UHRF1: variants seen among roughly 807,000 people sequenced by gnomAD.
UHRF1 encodes E3 ubiquitin-protein ligase UHRF1.
UHRF1 carries 9 observed loss-of-function variants against 96.5 expected under a neutral mutation model. The ratio of observed to expected loss-of-function variants is 0.09; its 90% CI spans 0.06 to 0.16. The LOEUF is 0.16. Among genes scored for constraint, UHRF1 ranks in the 10% least tolerant of loss-of-function variants. The pLI is 1.00. For synonymous variants in UHRF1, 455 were observed against 469.9 expected (o/e 0.97, Z 0.41); for missense variants, 626 against 1,131.1 (o/e 0.55, Z 6.40).
intron 1 of UHRF1, among the ~76,000 whole-genome samples, chr19:4,904,324 G>A (rs1026296614): frequency 1.9e-4 from 29 of 152,170 alleles, no homozygotes; most frequent in Admixed American, 4.6e-4. Flanking sequence ...GACTACAGGC[G>A]TCCGCCACAA....
intron 5 of UHRF1, among the ~76,000 whole-genome samples, 177 bp from the exon 6 acceptor site, chr19:4,941,351 G>A (rs558419254): frequency 6.6e-6 from 1 of 152,196 alleles, no homozygotes; most frequent in South Asian, 2.1e-4. Flanking sequence ...TATTACAGGC[G>A]TGAGCCACTG....
At chr19:4,945,449 G>A (rs2033533417) in intron 9 of UHRF1, among the ~76,000 whole-genome samples, 1 of 151,994 alleles carries the variant, frequency 6.6e-6, no homozygotes, top group South Asian at 2.1e-4. Context: ...GGTAGAGATG[G>A]GGTTTCACCT....
intron 5 of UHRF1, among the ~76,000 whole-genome samples, chr19:4,936,639 A>G (rs1418849286): frequency 6.6e-6 from 1 of 152,076 alleles, no homozygotes; most frequent in Non-Finnish European, 1.5e-5. Context: ...GTAGATTCAC[A>G]TGCAGTTATA....
chr19:4,931,083 G>A (rs561426408), intron 4 of UHRF1, among the ~76,000 whole-genome samples: 4 of 152,284 alleles, frequency 2.6e-5, no homozygotes, highest in African/African-American at 9.6e-5. Context: ...CTGTGTCTCC[G>A]CGGAGGGTTC....
chr19:4,957,162 A>G (rs899309629), intron 16 of UHRF1, among the ~76,000 whole-genome samples: 1 of 152,094 alleles, frequency 6.6e-6, no homozygotes, highest in Non-Finnish European at 1.5e-5. Context: ...CTGGGACAGC[A>G]GGTGAAGAAG....
In UHRF1 at chr19:4,943,771, C is replaced by A. The variant is rs17881701; in HGVS notation, c.1074-361C>A. Among the ~76,000 whole-genome samples, 1,294 of 152,256 alleles carry A rather than the reference C, an allele frequency of 8.5e-3. 9 individuals are homozygous for A. The highest frequency in any genetic ancestry group is 0.012 in the Non-Finnish European group (821 of 68,014). On this transcript the variant is annotated intron_variant, in intron 7 of 16. Transcript: ENST00000650932. ...TTTCAAGCGATTCTCCTGCCTCAGC[C>A]TCCCAAGTAGCTGGGATTACAGGTG...
In UHRF1 at chr19:4,910,975, G is replaced by T; in HGVS notation, c.90G>T (p.Arg30=). The stretch of plus-strand genomic sequence containing the variant: ...TGACCAAGGTGGAGGAGCTGAGGCG[G>T]AAGATCCAGGAGCTGTTCCACGTGG... ...SRLTKVEELR[R]KIQELFHVEP... Residue 30 remains arginine (R), a synonymous_variant, in exon 2 of 17, where the codon CGG becomes CGT. Coordinates refer to ENST00000650932, the MANE Select transcript of UHRF1 (RefSeq NM_001048201.3). 6.2e-7 allele frequency: 1 copy of T among 1,613,206 alleles called. No homozygotes were observed. The highest frequency in any genetic ancestry group is 8.5e-7 in the Non-Finnish European group (1 of 1,179,392).
At chr19:4,946,848 T>C (rs2033580860) in intron 10 of UHRF1, among the ~76,000 whole-genome samples, 1 of 152,152 alleles carries the variant, frequency 6.6e-6, no homozygotes, top group Non-Finnish European at 1.5e-5. Flanking sequence ...AGTGCTGGGA[T>C]TACGGGTGTG....
chr19:4,932,340 T>A (rs17883243), intron 4 of UHRF1, among the ~76,000 whole-genome samples: 8,827 of 152,316 alleles, frequency 0.058, 837 homozygotes, highest in African/African-American at 0.2. Context: ...AGTGCTGGGA[T>A]TACAGGCGTG....
intron 2 of UHRF1, among the ~76,000 whole-genome samples, chr19:4,927,380 C>CAAAAAAAAAAAAAAAA (rs35783129): frequency 2.4e-5 from 2 of 83,490 alleles, no homozygotes; most frequent in Non-Finnish European, 2.2e-5. Flanking sequence ...GACTCCATCT[C>CAAAAAAAAAAAAAAAA]AAAAAAAAAA....
At chr19:4,910,642 T>C (rs2032230418) in intron 1 of UHRF1, 2 of 402,132 alleles carry the variant, frequency 5.0e-6, no homozygotes, top group Non-Finnish European at 8.8e-6. Context: ...TTCCCTCTTT[T>C]CATTCTCCTT....
chr19:4,942,838 TAA>T (rs1271979656), intron 7 of UHRF1, among the ~76,000 whole-genome samples: 3 of 151,960 alleles, frequency 2.0e-5, no homozygotes, highest in African/African-American at 7.2e-5. Context: ...GAGGCCGAGG[TAA>T]GAGGATCGGA....
intron 5 of UHRF1, among the ~76,000 whole-genome samples, chr19:4,939,879 C>G (rs913826537): frequency 6.6e-6 from 1 of 152,040 alleles, no homozygotes; most frequent in Non-Finnish European, 1.5e-5. Flanking sequence ...AAAAAATTAG[C>G]CAGGCGTGGT....
upstream of UHRF1, chr19:4,909,342 A>C (rs1483401940): frequency 1.7e-6 from 1 of 590,304 alleles, no homozygotes; most frequent in South Asian, 1.9e-5. Flanking sequence ...GCCGTGGCCC[A>C]CTAGGCGGAG....
chr19:4,922,940 G>A (rs538014746), intron 2 of UHRF1, among the ~76,000 whole-genome samples: 14 of 152,330 alleles, frequency 9.2e-5, no homozygotes, highest in Admixed American at 7.2e-4. Context: ...AAGTCATGGA[G>A]GGGCGACCCG....
upstream of UHRF1, among the ~76,000 whole-genome samples, chr19:4,906,255 A>C (rs994531947): frequency 2.6e-5 from 4 of 152,202 alleles, no homozygotes; most frequent in African/African-American, 9.6e-5. Context: ...CTGGGATTGC[A>C]GGTGTGAGCC....
In UHRF1 at chr19:4,932,968, G is replaced by A. The variant is rs774101493; in HGVS notation, c.785+12G>A. On this transcript the variant is annotated intron_variant, in intron 5 of 16. Coordinates refer to ENST00000650932, the MANE Select transcript of UHRF1 (RefSeq NM_001048201.3). Reference sequence around the variant, plus strand: ...AACGTGGTGCTGGGGTGAGCCTCGCGTCCTGGGGCGAGCCCTTCCTCTCTC... The same window carrying A: ...AACGTGGTGCTGGGGTGAGCCTCGCATCCTGGGGCGAGCCCTTCCTCTCTC... 135 of 1,591,932 alleles carry A rather than the reference G, an allele frequency of 8.5e-5. 1 individual carries two copies. Among genetic ancestry groups the A allele is most frequent in the East Asian group, 3.4e-4 (15 of 43,722 alleles).
At chr19:4,931,315 GGT>G (rs2033045649) in intron 4 of UHRF1, among the ~76,000 whole-genome samples, 15 of 152,138 alleles carry the variant, frequency 9.9e-5, no homozygotes, top group Non-Finnish European at 2.9e-5. Flanking sequence ...TTTCACAGAC[GGT>G]GTGGCTTAAA....
chr19:4,945,647 C>T lies in UHRF1; in HGVS notation c.1306-214C>T, dbSNP rs567454672. ...GCACGCTTGATGGGGCTGGAATTCA[C>T]GCCAGCTGGTTTTTTTTTTTTTTTT... On this transcript the variant is annotated intron_variant, in intron 9 of 16. Coordinates refer to ENST00000650932, the MANE Select transcript of UHRF1 (RefSeq NM_001048201.3). 1.7e-4 allele frequency among the ~76,000 whole-genome samples: 25 copies of T among 145,732 alleles called. No individual in the cohort carries two copies. The East Asian group carries it at 4.4e-3, about 25-fold the overall frequency.
Sources: gnomAD v4.1 joint callset for allele counts (sites outside exome capture counted in the v4.1 genomes callset) on GRCh38, gnomAD v4.1.1 for gene constraint, MANE v1.5 for transcripts, NCBI Gene and HGNC (gene_info 2026-07-23, HGNC 2026-07-21) for gene names.